Variants in WDPCP observed in about 807,000 individuals in gnomAD.
WDPCP encodes WD repeat containing planar cell polarity effector.
WDPCP carries 71 observed loss-of-function variants against 93.1 expected under a neutral mutation model. That is an observed-to-expected ratio of 0.76 (90% confidence interval 0.63 to 0.93). WDPCP has a LOEUF of 0.93. WDPCP is among the 40% of genes least tolerant of loss of function. The pLI, the probability that WDPCP is intolerant of heterozygous loss-of-function variation, is 0.00. For synonymous variants in WDPCP, 315 were observed against 315.0 expected (o/e 1.00, Z 0.00); for missense variants, 844 against 887.4 (o/e 0.95, Z 0.62).
At chr2:63,391,778 A>G (rs989037134) in intron 10 of WDPCP, among the ~76,000 whole-genome samples, 1 of 152,202 alleles carries the variant, frequency 6.6e-6, no homozygotes, top group Non-Finnish European at 1.5e-5. Flanking sequence ...GTGACCTCCC[A>G]TTCAAAACTG....
chr2:63,262,046 G>A (rs930942687), intron 13 of WDPCP, among the ~76,000 whole-genome samples: 5 of 152,028 alleles, frequency 3.3e-5, no homozygotes, highest in African/African-American at 1.2e-4. Context: ...GAAGAATTTG[G>A]TAAGTTGAAA....
At chr2:63,816,361 C>A (rs1670932540) in intron 1 of WDPCP, among the ~76,000 whole-genome samples, 1 of 152,120 alleles carries the variant, frequency 6.6e-6, no homozygotes, top group Non-Finnish European at 1.5e-5. Flanking sequence ...CTAAAAGATT[C>A]CACCCAGAAA....
At chr2:63,545,317 G>C (rs1705064111) in intron 1 of WDPCP, among the ~76,000 whole-genome samples, 1 of 151,476 alleles carries the variant, frequency 6.6e-6, no homozygotes, top group Non-Finnish European at 1.5e-5. Flanking sequence ...ACGTGTATGT[G>C]TGTGTATGTG....
intron 9 of WDPCP, among the ~76,000 whole-genome samples, chr2:63,410,068 C>T (rs949098878): frequency 6.6e-6 from 1 of 152,272 alleles, no homozygotes; most frequent in African/African-American, 2.4e-5. Context: ...TGCTTAGGCA[C>T]ATTGTCATCA....
intron 6 of WDPCP, among the ~76,000 whole-genome samples, chr2:63,479,188 G>A (rs1481035980): frequency 6.6e-6 from 1 of 151,768 alleles, no homozygotes; most frequent in East Asian, 1.9e-4. Flanking sequence ...AGACTGAAAT[G>A]GTAATATAAA....
intron 2 of WDPCP, among the ~76,000 whole-genome samples, chr2:63,657,052 T>C (rs982058290): frequency 6.6e-6 from 1 of 151,970 alleles, no homozygotes; most frequent in Non-Finnish European, 1.5e-5. Flanking sequence ...GGAGTGGAGT[T>C]AGTGACAGAG....
At chr2:63,496,631 A>T (rs1701238742) in intron 1 of WDPCP, among the ~76,000 whole-genome samples, 1 of 152,184 alleles carries the variant, frequency 6.6e-6, no homozygotes, top group Non-Finnish European at 1.5e-5. Context: ...AACGATCCAT[A>T]TCTAGGACCA....
intron 1 of WDPCP, among the ~76,000 whole-genome samples, chr2:63,581,835 T>C (rs879359548): frequency 6.6e-6 from 1 of 151,916 alleles, no homozygotes; most frequent in African/African-American, 2.4e-5. Flanking sequence ...GGCAAAACCC[T>C]GTATCTGCAA....
At chr2:63,536,222 GGA>G (rs1558772850) in intron 1 of WDPCP, among the ~76,000 whole-genome samples, 12 of 152,154 alleles carry the variant, frequency 7.9e-5, no homozygotes. Flanking sequence ...AACAGGTCTT[GGA>G]GAGGCTGTGG....
At chr2:63,224,240 T>C (rs922464225) in intron 14 of WDPCP, among the ~76,000 whole-genome samples, 1 of 151,606 alleles carries the variant, frequency 6.6e-6, no homozygotes, top group African/African-American at 2.4e-5. Flanking sequence ...TCTAGCACAC[T>C]CATGACATAA....
intron 11 of WDPCP, 111 bp from the exon 12 acceptor site, chr2:63,378,620 C>T: frequency 6.9e-7 from 1 of 1,443,658 alleles, no homozygotes; most frequent in Non-Finnish European, 9.7e-7. Context: ...GAAACATGAA[C>T]TTGTTGCAGG....
intron 15 of WDPCP, among the ~76,000 whole-genome samples, chr2:63,162,794 A>C (rs1432871974): frequency 6.6e-6 from 1 of 152,188 alleles, no homozygotes; most frequent in Non-Finnish European, 1.5e-5. Flanking sequence ...TGCAAATAGT[A>C]AATGTCACAT....
intron 1 of WDPCP, among the ~76,000 whole-genome samples, chr2:63,511,797 A>G (rs982630121): frequency 6.6e-6 from 1 of 152,244 alleles, no homozygotes; most frequent in Non-Finnish European, 1.5e-5. Flanking sequence ...TGAAAACCCT[A>G]GAAGAAAACA....
intron 12 of WDPCP, among the ~76,000 whole-genome samples, chr2:63,338,568 AAATATATATATATATATATATATAT>A (rs1286366529): frequency 7.8e-4 from 6 of 7,652 alleles, no homozygotes; most frequent in African/African-American, 5.2e-3. Context: ...AAAAAAAAAA[AAATATATATATATATATATATATAT>A]ATATATATAT....
At position 63,500,452 on chromosome 2, in the gene WDPCP, GGGGTGTGT is replaced by G. The variant is rs1464708192; in HGVS notation, c.76-7520_76-7513del. 1.8e-4 allele frequency among the ~76,000 whole-genome samples: 4 copies of G among 22,310 alleles called. No homozygotes were observed. The East Asian group carries it at 0.011, about 63-fold the overall frequency. The allele number at this position is 22,310 out of a possible 152,430, so 14.6% of individuals were successfully genotyped here. A position where few individuals can be genotyped will look rare whatever the true frequency, so the allele number is the denominator to read the frequency against. On this transcript the variant is annotated intron_variant, in intron 1 of 17. Transcript: ENST00000272321. ...AAGCCTTGAAAGAGAAAATGGTGTG[GGGGTGTGT>G]GTGTGTGTGTGTGTGTGTGTGTAAA...
chr2:63,628,641 A>G (rs1709834469), intron 3 of WDPCP, among the ~76,000 whole-genome samples: 1 of 152,204 alleles, frequency 6.6e-6, no homozygotes, highest in African/African-American at 2.4e-5. Context: ...CTGGTTTAGG[A>G]GGCCTCAGTT....
At chr2:63,231,559 A>G (rs1404508771) in intron 14 of WDPCP, among the ~76,000 whole-genome samples, 5 of 152,198 alleles carry the variant, frequency 3.3e-5, no homozygotes, top group African/African-American at 1.2e-4. Flanking sequence ...GAGCCAAATC[A>G]TGAGTGAACT....
At chr2:63,222,921 T>C (rs533352824) in intron 14 of WDPCP, among the ~76,000 whole-genome samples, 1 of 152,302 alleles carries the variant, frequency 6.6e-6, no homozygotes, top group Admixed American at 6.5e-5. Context: ...ATTGATCTTC[T>C]TTGAAATATG....
At chr2:63,361,788 G>A (rs1426711893) in intron 12 of WDPCP, among the ~76,000 whole-genome samples, 2 of 152,124 alleles carry the variant, frequency 1.3e-5, no homozygotes, top group African/African-American at 4.8e-5. Flanking sequence ...TGAGGACAAG[G>A]CTGACAAAGG....
Sources: allele counts gnomAD v4.1 joint callset (sites outside exome capture counted in the v4.1 genomes callset), GRCh38; gene constraint gnomAD v4.1.1; transcripts MANE v1.5; gene names NCBI Gene and HGNC (gene_info 2026-07-23, HGNC 2026-07-21).